The following ZNF423 variants were observed in gnomAD, a reference collection of about 807,000 sequenced individuals.
ZNF423 encodes the protein Ebf-associated zinc finger protein.
Under a neutral mutation model 95.8 loss-of-function variants are expected in ZNF423, and 12 were observed. The observed-to-expected ratio is 0.13, with a 90% CI of 0.08 to 0.20. The LOEUF (loss-of-function observed/expected upper bound fraction) is 0.20. ZNF423 is among the 10% of genes least tolerant of loss of function. The probability of loss-of-function intolerance (pLI) is 1.00; values close to 1 mark genes in which losing one functional copy is unlikely to be tolerated. For missense variants in ZNF423, 1,316 were observed against 1,737.1 expected, an observed-to-expected ratio of 0.76 and a Z score of 4.31; for synonymous variants, 749 against 711.9, an observed-to-expected ratio of 1.05 and a Z score of -0.83.
intron 5 of ZNF423, among the ~76,000 whole-genome samples, chr16:49,599,023 T>C (rs1971271863): frequency 6.6e-6 from 1 of 152,190 alleles, no homozygotes; most frequent in Non-Finnish European, 1.5e-5. Flanking sequence ...AACTGTGAGT[T>C]GGAGGCCACA....
intron 1 of ZNF423, chr16:49,854,252 T>C: frequency 8.1e-6 from 8 of 984,982 alleles, no homozygotes; most frequent in Non-Finnish European, 9.6e-6. Flanking sequence ...AAAGGAGGAG[T>C]AGGAACGGGC....
At chr16:49,788,302 T>G (rs745982398) in intron 2 of ZNF423, among the ~76,000 whole-genome samples, 4 of 152,220 alleles carry the variant, frequency 2.6e-5, no homozygotes, top group Non-Finnish European at 5.9e-5. Context: ...AGGCTTGGGT[T>G]CAAGGGCTTA....
chr16:49,516,142 C>T (rs375637889), intron 7 of ZNF423, among the ~76,000 whole-genome samples: 9 of 152,322 alleles, frequency 5.9e-5, no homozygotes, highest in African/African-American at 7.2e-5. Flanking sequence ...CCCGAAGCCC[C>T]GGCCCTCTGG....
intron 1 of ZNF423, among the ~76,000 whole-genome samples, chr16:49,802,182 G>A (rs891803173): frequency 6.6e-6 from 1 of 151,938 alleles, no homozygotes; most frequent in Non-Finnish European, 1.5e-5. Flanking sequence ...ATTTTACTTC[G>A]GCCTCCAACA....
intron 3 of ZNF423, among the ~76,000 whole-genome samples, chr16:49,686,000 T>G (rs1467058706): frequency 6.6e-6 from 1 of 152,222 alleles, no homozygotes; most frequent in Non-Finnish European, 1.5e-5. Context: ...TGTTTCGCCC[T>G]CGTTTCCAGT....
intron 7 of ZNF423, among the ~76,000 whole-genome samples, chr16:49,514,211 C>CACAA (rs1555502863): frequency 1.6e-5 from 1 of 62,782 alleles, no homozygotes; most frequent in Non-Finnish European, 3.4e-5. Flanking sequence ...CACACACACA[C>CACAA]ATGCACACGC....
At chr16:49,651,757 TG>T (rs1215317177) in intron 3 of ZNF423, among the ~76,000 whole-genome samples, 3 of 152,088 alleles carry the variant, frequency 2.0e-5, no homozygotes, top group Non-Finnish European at 1.5e-5. Flanking sequence ...AAATAGTCAC[TG>T]GCTACTGGCT....
intron 1 of ZNF423, among the ~76,000 whole-genome samples, chr16:49,835,901 G>A (rs1386257309): frequency 1.3e-5 from 2 of 152,184 alleles, no homozygotes; most frequent in African/African-American, 2.4e-5. Context: ...AAGCCCCGGG[G>A]AAAATGCTGA....
intron 3 of ZNF423, among the ~76,000 whole-genome samples, chr16:49,648,351 C>A (rs1407443158): frequency 6.6e-6 from 1 of 152,144 alleles, no homozygotes; most frequent in Non-Finnish European, 1.5e-5. Context: ...AAGAAAAGAA[C>A]TGTTAAGCAG....
intron 3 of ZNF423, among the ~76,000 whole-genome samples, chr16:49,686,286 G>A (rs1185245141): frequency 3.3e-5 from 5 of 152,092 alleles, no homozygotes; most frequent in Middle Eastern, 3.2e-3. Context: ...CTTGAGTCTC[G>A]GGTAGGCAGG....
chr16:49,841,919 A>G (rs1312555834), intron 1 of ZNF423, among the ~76,000 whole-genome samples: 1 of 152,174 alleles, frequency 6.6e-6, no homozygotes, highest in Admixed American at 6.5e-5. Context: ...TCCAAGCTCT[A>G]TAGTGCAGTG....
At chr16:49,633,809 A>G (rs1434310910) in intron 4 of ZNF423, among the ~76,000 whole-genome samples, 1 of 152,176 alleles carries the variant, frequency 6.6e-6, no homozygotes, top group Non-Finnish European at 1.5e-5. Flanking sequence ...GGGTACTGCT[A>G]TAGCCCCTAA....
At chr16:49,759,916 G>A (rs1270918653) in intron 2 of ZNF423, among the ~76,000 whole-genome samples, 1 of 151,628 alleles carries the variant, frequency 6.6e-6, no homozygotes, top group African/African-American at 2.4e-5. Flanking sequence ...TGTTCCCCTG[G>A]GCTGTAGCTC....
At chr16:49,688,859 G>A (rs1351434215) in intron 3 of ZNF423, among the ~76,000 whole-genome samples, 1 of 152,178 alleles carries the variant, frequency 6.6e-6, no homozygotes, top group Non-Finnish European at 1.5e-5. Flanking sequence ...CCTGTGGTTG[G>A]TGTCCCATTT....
At chr16:49,778,366 C>T (rs2034154935) in intron 2 of ZNF423, among the ~76,000 whole-genome samples, 4 of 152,214 alleles carry the variant, frequency 2.6e-5, no homozygotes, top group South Asian at 4.1e-4. Flanking sequence ...ACCCAGGAAG[C>T]CAACACACGC....
chr16:49,736,550 C>G (rs1162753698), intron 2 of ZNF423, among the ~76,000 whole-genome samples: 2 of 152,230 alleles, frequency 1.3e-5, no homozygotes, highest in African/African-American at 4.8e-5. Context: ...CGCCTGTAAT[C>G]CTAGCACTTT....
intron 3 of ZNF423, among the ~76,000 whole-genome samples, chr16:49,654,340 T>C (rs995764659): frequency 1.3e-5 from 2 of 152,214 alleles, no homozygotes; most frequent in Admixed American, 6.5e-5. Flanking sequence ...GTCTCCTGCA[T>C]GGCTAAGAGT....
At chr16:49,608,925 T>A (rs1410617178) in intron 5 of ZNF423, among the ~76,000 whole-genome samples, 2 of 152,152 alleles carry the variant, frequency 1.3e-5, no homozygotes, top group Non-Finnish European at 2.9e-5. Flanking sequence ...CCATCCCTGT[T>A]AATGTGGCAT....
chr16:49,661,167 G>A (rs529985486), intron 3 of ZNF423, among the ~76,000 whole-genome samples: 4 of 148,354 alleles, frequency 2.7e-5, no homozygotes, highest in South Asian at 2.1e-4. Context: ...GCAGTAAGCC[G>A]AGATCGCACC....
Sources: allele counts gnomAD v4.1 joint callset (sites outside exome capture counted in the v4.1 genomes callset), GRCh38; gene constraint gnomAD v4.1.1; transcripts MANE v1.5; gene names NCBI Gene and HGNC (gene_info 2026-07-23, HGNC 2026-07-21).